ZMAT4: variants seen among roughly 807,000 people sequenced by gnomAD.
ZMAT4 encodes the protein zinc finger matrin-type protein 4.
In ZMAT4, 17 loss-of-function variants were observed where a neutral mutation model predicts 28.7. That is an observed-to-expected ratio of 0.59 (90% CI 0.41 to 0.89). The LOEUF (loss-of-function observed/expected upper bound fraction) is 0.89. Among genes scored for constraint, ZMAT4 ranks in the 40% least tolerant of loss-of-function variants. The probability of loss-of-function intolerance (pLI) is 0.00; values close to 1 mark genes in which losing one functional copy is unlikely to be tolerated. For synonymous variants in ZMAT4, 117 were observed against 109.2 expected, an observed-to-expected ratio of 1.07 and a Z score of -0.44; for missense variants, 240 against 283.8, an observed-to-expected ratio of 0.85 and a Z score of 1.11.
chr8:40,880,689 C>T (rs562602948), intron 1 of ZMAT4, among the ~76,000 whole-genome samples: 25 of 152,252 alleles, frequency 1.6e-4, no homozygotes, highest in African/African-American at 5.8e-4. Context: ...AAGGCCAAAC[C>T]TCTAACTTCA....
intron 1 of ZMAT4, among the ~76,000 whole-genome samples, chr8:40,866,627 G>A (rs1817684733): frequency 6.6e-6 from 1 of 152,158 alleles, no homozygotes; most frequent in Admixed American, 6.5e-5. Context: ...AAGAGGGTTA[G>A]GAAAGGAAGT....
chr8:40,657,776 C>T (rs915459026), intron 5 of ZMAT4, among the ~76,000 whole-genome samples: 2 of 152,118 alleles, frequency 1.3e-5, no homozygotes, highest in African/African-American at 2.4e-5. Context: ...GTAGGGCTTT[C>T]GCTTAAAGTC....
At chr8:40,662,272 C>T (rs1207743711) in intron 5 of ZMAT4, among the ~76,000 whole-genome samples, 1 of 152,156 alleles carries the variant, frequency 6.6e-6, no homozygotes, top group African/African-American at 2.4e-5. Flanking sequence ...TAAGCCACCA[C>T]ACCCGGCCCA....
intron 3 of ZMAT4, among the ~76,000 whole-genome samples, chr8:40,709,502 A>T (rs1346956840): frequency 2.0e-5 from 3 of 152,258 alleles, no homozygotes; most frequent in Non-Finnish European, 2.9e-5. Flanking sequence ...GATTATCATC[A>T]GACATTTCAA....
intron 3 of ZMAT4, among the ~76,000 whole-genome samples, chr8:40,762,241 A>G (rs1812973310): frequency 6.6e-6 from 1 of 152,206 alleles, no homozygotes; most frequent in African/African-American, 2.4e-5. Context: ...ATGCAATGTT[A>G]TTTGGAAATG....
chr8:40,863,652 C>T (rs976048507), intron 1 of ZMAT4, among the ~76,000 whole-genome samples: 6 of 152,150 alleles, frequency 3.9e-5, no homozygotes, highest in African/African-American at 1.4e-4. Context: ...CACAGCAAAG[C>T]AGCTCATAGC....
chr8:40,632,927 AAAG>A (rs1400229069), intron 5 of ZMAT4, among the ~76,000 whole-genome samples: 1 of 152,126 alleles, frequency 6.6e-6, no homozygotes, highest in African/African-American at 2.4e-5. Context: ...AATTTCAGTT[AAAG>A]GAGAGGAAGA....
chr8:40,790,853 A>G (rs1005793448), intron 2 of ZMAT4, among the ~76,000 whole-genome samples: 1 of 152,238 alleles, frequency 6.6e-6, no homozygotes, highest in African/African-American at 2.4e-5. Context: ...AAGAACAGAG[A>G]TAGAGAACTT....
chr8:40,687,015 T>A (rs888323147), intron 4 of ZMAT4, among the ~76,000 whole-genome samples: 1 of 152,052 alleles, frequency 6.6e-6, no homozygotes, highest in African/African-American at 2.4e-5. Context: ...GTTAGTGCAA[T>A]GGTGGTGGCA....
intron 3 of ZMAT4, among the ~76,000 whole-genome samples, chr8:40,699,542 A>G (rs909735022): frequency 3.9e-5 from 6 of 152,124 alleles, no homozygotes; most frequent in African/African-American, 1.4e-4. Context: ...TAGCAAATAT[A>G]TTGAATCAAC....
At chr8:40,660,374 T>C (rs1426233481) in intron 5 of ZMAT4, among the ~76,000 whole-genome samples, 1 of 152,220 alleles carries the variant, frequency 6.6e-6, no homozygotes, top group Non-Finnish European at 1.5e-5. Flanking sequence ...CATCTGAAGA[T>C]CTAAAAAGCA....
chr8:40,693,060 A>G (rs1467148342), intron 4 of ZMAT4, among the ~76,000 whole-genome samples: 1 of 152,138 alleles, frequency 6.6e-6, no homozygotes. Flanking sequence ...GTAACTAGTT[A>G]AGCTAAAATG....
In ZMAT4 at chr8:40,559,777, A is replaced by C. The variant is rs116953928; in HGVS notation, c.674+21388T>G. The stretch of plus-strand genomic sequence containing the variant: ...AACACAAAAACACACACACATGCGA[A>C]TACACATAATTACAGAAACACACAG... On this transcript the variant is annotated intron_variant, in intron 6 of 6. Transcript: ENST00000297737. Among the ~76,000 whole-genome samples, 874 of 152,282 alleles carry C rather than the reference A, an allele frequency of 5.7e-3. 7 individuals are homozygous for C. The highest frequency in any genetic ancestry group is 9.6e-3 in the Non-Finnish European group (650 of 68,022).
chr8:40,805,992 G>T (rs897811416), intron 2 of ZMAT4, among the ~76,000 whole-genome samples: 1 of 151,964 alleles, frequency 6.6e-6, no homozygotes, highest in African/African-American at 2.4e-5. Context: ...GATGAACCTT[G>T]TCTGAGAAAA....
chr8:40,821,941 A>G (rs1482015518), intron 2 of ZMAT4, among the ~76,000 whole-genome samples: 1 of 152,224 alleles, frequency 6.6e-6, no homozygotes, highest in African/African-American at 2.4e-5. Flanking sequence ...CCATTTGTGG[A>G]GGCATGGATA....
Position 40,732,673 on chromosome 8 carries a change from T to C in ZMAT4, c.192+34968A>G, listed in dbSNP as rs146913202. Among the ~76,000 whole-genome samples the C allele has an allele frequency of 3.4e-3, 525 of 152,240 alleles. 5 individuals are homozygous for C. The highest frequency in any genetic ancestry group is 0.012 in the African/African-American group (493 of 41,560). ...GGCAGGATAAGCCTTGGAGCAAGCA[T>C]GACTGATACTGGTGTCCAACGTTAT... On this transcript the variant is annotated intron_variant, in intron 3 of 6. Transcript: ENST00000297737.
At chr8:40,694,142 A>T (rs1809774291) in intron 4 of ZMAT4, among the ~76,000 whole-genome samples, 1 of 152,102 alleles carries the variant, frequency 6.6e-6, no homozygotes, top group Non-Finnish European at 1.5e-5. Context: ...TTCCTAGAGG[A>T]GCACAAGGCA....
chr8:40,897,454 A>G (rs2150676296), intron 1 of ZMAT4, among the ~76,000 whole-genome samples: 1 of 152,258 alleles, frequency 6.6e-6, no homozygotes, highest in East Asian at 1.9e-4. Flanking sequence ...ATTTAGACAG[A>G]CCTGAGCGCA....
At chr8:40,623,150 T>C (rs1415322398) in intron 5 of ZMAT4, among the ~76,000 whole-genome samples, 3 of 151,746 alleles carry the variant, frequency 2.0e-5, no homozygotes, top group African/African-American at 7.3e-5. Context: ...CTGAGCAAAA[T>C]GAAGATGGAA....
Sources: allele counts gnomAD v4.1 joint callset (sites outside exome capture counted in the v4.1 genomes callset), GRCh38; gene constraint gnomAD v4.1.1; transcripts MANE v1.5; gene names NCBI Gene and HGNC (gene_info 2026-07-23, HGNC 2026-07-21).